Variants in UNC79 observed in about 807,000 individuals in gnomAD.
The protein encoded by UNC79 is unc-79 subunit of NALCN channel complex.
UNC79 carries 37 observed loss-of-function variants against 283.1 expected under a neutral mutation model. The observed-to-expected ratio is 0.13, with a 90% CI of 0.10 to 0.17. The LOEUF is 0.17. Ranked by LOEUF, UNC79 falls within the 10% of genes least tolerant of loss-of-function variation. The probability of loss-of-function intolerance (pLI) is 1.00; values close to 1 mark genes in which losing one functional copy is unlikely to be tolerated. For missense variants in UNC79, 2,272 were observed against 3,211.1 expected (o/e 0.71, Z 7.07); for synonymous variants, 1,107 against 1,200.2 (o/e 0.92, Z 1.61).
intron 1 of UNC79, among the ~76,000 whole-genome samples, chr14:93,373,422 G>A (rs1380158877): frequency 6.6e-6 from 1 of 151,826 alleles, no homozygotes; most frequent in Non-Finnish European, 1.5e-5. Flanking sequence ...AAAAAAGAGA[G>A]AGGACACAAA....
At position 93,634,903 on chromosome 14, in the gene UNC79, G is replaced by A. The variant is rs113425550; in HGVS notation, c.5717-2313G>A. Among the ~76,000 whole-genome samples, 1,468 of 152,216 alleles carry A rather than the reference G, an allele frequency of 9.6e-3. 27 individuals are homozygous for A. The highest frequency in any genetic ancestry group is 0.033 in the African/African-American group (1,377 of 41,552). On this transcript the variant is annotated intron_variant, in intron 31 of 48. Coordinates refer to ENST00000555664, the Ensembl canonical transcript of UNC79. ...TATTAGGTTATTGATCTGGGGAGGA[G>A]GGAATGGAACTATGGTTTCATGATG...
intron 14 of UNC79, among the ~76,000 whole-genome samples, chr14:93,556,567 C>T (rs919510883): frequency 6.6e-6 from 1 of 152,066 alleles, no homozygotes; most frequent in Non-Finnish European, 1.5e-5. Flanking sequence ...GGTGCCTCTT[C>T]TGTTTCTCTC....
intron 40 of UNC79, among the ~76,000 whole-genome samples, chr14:93,668,623 T>C (rs1478305663): frequency 1.3e-5 from 2 of 152,002 alleles, no homozygotes; most frequent in African/African-American, 4.8e-5. Context: ...GGTGGGTGGA[T>C]TGTCTGAGCT....
chr14:93,383,252 T>G (rs2054701689), intron 1 of UNC79, among the ~76,000 whole-genome samples: 1 of 152,194 alleles, frequency 6.6e-6, no homozygotes. Context: ...GAAGTGTAGT[T>G]TTCATTTTCT....
chr14:93,361,211 C>CAAAAAAAAAAAAAAAAAA (rs58267219), intron 1 of UNC79, among the ~76,000 whole-genome samples: 3 of 54,380 alleles, frequency 5.5e-5, no homozygotes, highest in Admixed American at 2.9e-4. Flanking sequence ...GACTCTGTCT[C>CAAAAAAAAAAAAAAAAAA]AAAAAAAAAA....
Position 93,622,186 on chromosome 14 carries a change from G to A in UNC79, c.4953G>A (p.Thr1651=), listed in dbSNP as rs1299707814. Residue 1651 remains threonine, a synonymous_variant, in exon 30 of 49, where the codon ACG becomes ACA. Coordinates refer to ENST00000555664, the Ensembl canonical transcript of UNC79. ...TCGAGAGTGACGAAGAAGAGGAGAC[G>A]ATGAACCAAGGCGATGACGGCCCCT... is the stretch of plus-strand genomic sequence containing the variant. 1.2e-5 allele frequency: 19 copies of A among 1,614,006 alleles called. No individual in the cohort carries two copies. In the African/African-American group the frequency reaches 2.5e-4, roughly 22 times the overall value.
intron 35 of UNC79, among the ~76,000 whole-genome samples, chr14:93,651,765 G>C (rs1305819033): frequency 1.3e-5 from 2 of 151,842 alleles, no homozygotes; most frequent in African/African-American, 4.8e-5. Flanking sequence ...TTGAAACAGA[G>C]TTTCGCTCTT....
intron 1 of UNC79, among the ~76,000 whole-genome samples, chr14:93,342,192 C>G (rs186873373): frequency 2.2e-4 from 33 of 152,342 alleles, no homozygotes; most frequent in Middle Eastern, 3.4e-3. Flanking sequence ...CCTGGACATC[C>G]AAGAGTTTTC....
chr14:93,566,783 A>G lies in UNC79; in HGVS notation c.1756-5111A>G, dbSNP rs574102858. 6.6e-5 allele frequency among the ~76,000 whole-genome samples: 10 copies of G among 151,574 alleles called. No individual in the cohort carries two copies. In the South Asian group the frequency reaches 1.5e-3, roughly 22 times the overall value. On this transcript the variant is annotated intron_variant, in intron 14 of 48. Coordinates refer to ENST00000555664, the Ensembl canonical transcript of UNC79. ...CTCCTGAGTAGCTGCGACTACAGGCACACACCACCATGTCCAGTAGAGATG... is the reference window on the plus strand; with the variant it reads ...CTCCTGAGTAGCTGCGACTACAGGCGCACACCACCATGTCCAGTAGAGATG...
At chr14:93,419,546 TATG>T (rs2055544133) in intron 1 of UNC79, among the ~76,000 whole-genome samples, 2 of 151,712 alleles carry the variant, frequency 1.3e-5, no homozygotes, top group African/African-American at 4.8e-5. Context: ...AAACAGGCAG[TATG>T]ATAAGATAGA....
exon 30 of UNC79, chr14:93,622,700 G>A (rs1445683308): frequency 6.2e-7 from 1 of 1,614,188 alleles, no homozygotes; most frequent in East Asian, 2.2e-5. Context: ...GGAAGAGGAT[G>A]GAGCTGAGGA....
chr14:93,673,872 A>G (rs1469423926), intron 41 of UNC79, among the ~76,000 whole-genome samples: 1 of 152,092 alleles, frequency 6.6e-6, no homozygotes. Flanking sequence ...TGTGAGCAGA[A>G]GTAAAGGAGA....
intron 35 of UNC79, among the ~76,000 whole-genome samples, chr14:93,650,919 G>A (rs993919604): frequency 1.1e-4 from 16 of 150,380 alleles, no homozygotes; most frequent in African/African-American, 3.7e-4. Context: ...GTTTTCATAT[G>A]TATATTTGGC....
chr14:93,703,994 C>T (rs1359076370), intron 47 of UNC79, among the ~76,000 whole-genome samples: 1 of 152,172 alleles, frequency 6.6e-6, no homozygotes, highest in Admixed American at 6.5e-5. Flanking sequence ...GGCCAGGGCA[C>T]CTATGACCTC....
At chr14:93,579,592 G>A (rs748616854) in intron 18 of UNC79, among the ~76,000 whole-genome samples, 1 of 152,108 alleles carries the variant, frequency 6.6e-6, no homozygotes, top group Admixed American at 6.5e-5. Flanking sequence ...TTTGATGCTC[G>A]TATTGTTCCG....
chr14:93,701,020 ATC>A (rs1241665521), intron 47 of UNC79, among the ~76,000 whole-genome samples: 1 of 151,964 alleles, frequency 6.6e-6, no homozygotes, highest in Non-Finnish European at 1.5e-5. Context: ...CTCTCTGTAG[ATC>A]TCTCCTGTCC....
chr14:93,535,823 T>C (rs2061043071), intron 11 of UNC79, among the ~76,000 whole-genome samples: 1 of 152,176 alleles, frequency 6.6e-6, no homozygotes, highest in Admixed American at 6.5e-5. Context: ...TGCGTGTCCT[T>C]TTATAAGCAT....
chr14:93,587,627 A>G lies in UNC79; in HGVS notation c.3032+719A>G, dbSNP rs530189340. 2.3e-3 allele frequency among the ~76,000 whole-genome samples: 355 copies of G among 152,300 alleles called. 3 individuals are homozygous for G. The highest frequency in any genetic ancestry group is 8.2e-3 in the African/African-American group (340 of 41,558). ...GTTCTGGGTACTTAGGGAATTTGCA[A>G]TCTAGTTTGGAAGGGGGTGAATCCT... On this transcript the variant is annotated intron_variant, in intron 22 of 48. Coordinates refer to ENST00000555664, the Ensembl canonical transcript of UNC79.
chr14:93,653,224 T>C (rs2070498362), intron 35 of UNC79, among the ~76,000 whole-genome samples: 1 of 151,982 alleles, frequency 6.6e-6, no homozygotes, highest in East Asian at 1.9e-4. Context: ...GAAGGTCAAA[T>C]TGCACCTGTC....
Sources: gnomAD v4.1 joint callset for allele counts (sites outside exome capture counted in the v4.1 genomes callset) on GRCh38, gnomAD v4.1.1 for gene constraint, MANE v1.5 for transcripts, NCBI Gene and HGNC (gene_info 2026-07-23, HGNC 2026-07-21) for gene names.